SMIM23: variants seen among roughly 807,000 people sequenced by gnomAD.
SMIM23 encodes the protein small integral membrane protein 23, also known as CTB-78H18.1.
Under a neutral mutation model 12.8 loss-of-function variants are expected in SMIM23, and 10 were observed. That is an observed-to-expected ratio of 0.78 (90% CI 0.48 to 1.32). The LOEUF is 1.32. Among genes scored for constraint, SMIM23 ranks in the 40% most tolerant of loss-of-function variants. The pLI is 0.00. For synonymous variants in SMIM23, 78 were observed against 80.1 expected (o/e 0.97, Z 0.14); for missense variants, 184 against 198.2 (o/e 0.93, Z 0.43).
Position 171,790,923 on chromosome 5 carries a change from G to A in SMIM23, c.354G>A (p.Ala118=), listed in dbSNP as rs541974796. The change falls in exon 4 of 4, where the codon GCG becomes GCA. Residue 118 remains alanine, a synonymous_variant. Coordinates refer to ENST00000523047, the MANE Select transcript of SMIM23 (RefSeq NM_001289970.2). ...AGGTGCAGCAGCTGGAGCAGCTAGC[G>A]TGGGACCTGGAACTGTGGCTGGATG... is the stretch of plus-strand genomic sequence containing the variant. ...EEEVQQLEQL[A]WDLELWLDAL... is the part of the protein sequence containing the mutation. The A allele has an allele frequency of 7.0e-5, 108 of 1,536,178 alleles. 1 individual carries two copies. The South Asian group carries it at 1.0e-3, about 15-fold the overall frequency.
At chr5:171,784,767 C>G (rs894219481), upstream of SMIM23, among the ~76,000 whole-genome samples, 1 of 152,142 alleles carries the variant, frequency 6.6e-6, no homozygotes, top group African/African-American at 2.4e-5. Context: ...GAGTCAAAAA[C>G]TGGAGGCAGC....
upstream of SMIM23, among the ~76,000 whole-genome samples, chr5:171,783,671 A>G (rs1755763125): frequency 6.6e-6 from 1 of 152,268 alleles, no homozygotes; most frequent in Non-Finnish European, 1.5e-5. Context: ...ACTTGCCATG[A>G]AAGAGCACAA....
Position 171,790,553 on chromosome 5 carries a change from A to G in SMIM23, c.225+4A>G. 1 of 1,536,668 alleles carries G rather than the reference A, an allele frequency of 6.5e-7. No individual in the cohort carries two copies. The highest frequency in any genetic ancestry group is 8.7e-7 in the Non-Finnish European group (1 of 1,146,958). ...CCAGAATCTTGCAGTTCCCCAGGTAACATGTCCAGCAAGGTACTGAGGTGA... is the reference window on the plus strand; with the variant it reads ...CCAGAATCTTGCAGTTCCCCAGGTAGCATGTCCAGCAAGGTACTGAGGTGA... On this transcript the variant is annotated splice_donor_region_variant and intron_variant, in intron 3 of 3. Transcript: ENST00000523047.
chr5:171,790,607 G>A lies in SMIM23; in HGVS notation c.225+58G>A, dbSNP rs1028810938. 7.6e-5 allele frequency: 113 copies of A among 1,485,718 alleles called. 2 individuals are homozygous for A. The highest frequency in any genetic ancestry group is 7.6e-4 in the South Asian group (63 of 82,944). 92.0% of individuals were successfully genotyped at this position (1,485,718 alleles called of 1,614,324 possible). ...AATCTGGGAAGGCTTTCCAGAGGAG[G>A]TGTCATTGGCAACATGGGTCATGAA... On this transcript the variant is annotated intron_variant, in intron 3 of 3. Coordinates refer to ENST00000523047, the MANE Select transcript of SMIM23 (RefSeq NM_001289970.2).
upstream of SMIM23, among the ~76,000 whole-genome samples, chr5:171,784,191 G>C (rs1364006988): frequency 6.6e-6 from 1 of 152,192 alleles, no homozygotes; most frequent in Non-Finnish European, 1.5e-5. Context: ...CTAAACACCT[G>C]TCAAAATGGT....
At chr5:171,779,358 C>T (rs1007985239), upstream of SMIM23, among the ~76,000 whole-genome samples, 1 of 152,200 alleles carries the variant, frequency 6.6e-6, no homozygotes, top group African/African-American at 2.4e-5. Flanking sequence ...CTACTTCTCT[C>T]ATTTTATTAA....
At chr5:171,775,041 C>A in the SMIM23 span, among the ~76,000 whole-genome samples, 1 of 152,282 alleles carries the variant, frequency 6.6e-6, no homozygotes, top group African/African-American at 2.4e-5. Flanking sequence ...ATGCCATACA[C>A]GGATGTTTTG....
At chr5:171,778,467 ACAC>A (rs1755675679), upstream of SMIM23, among the ~76,000 whole-genome samples, 1 of 148,152 alleles carries the variant, frequency 6.7e-6, no homozygotes, top group Admixed American at 6.7e-5. Flanking sequence ...ACACACACAC[ACAC>A]ACACACACAC....
the SMIM23 span, among the ~76,000 whole-genome samples, chr5:171,774,970 C>T: frequency 2.0e-5 from 3 of 152,186 alleles, no homozygotes; most frequent in Non-Finnish European, 2.9e-5. Flanking sequence ...GAAAGGGATG[C>T]CGGGCCTCTG....
chr5:171,777,489 A>G (rs1755661473), upstream of SMIM23, among the ~76,000 whole-genome samples: 1 of 152,214 alleles, frequency 6.6e-6, no homozygotes, highest in African/African-American at 2.4e-5. Flanking sequence ...AGGCAAGCCT[A>G]TGCCAAGGCT....
intron 2 of SMIM23, 89 bp downstream of exon 2, chr5:171,790,370 C>T (rs1394590766): frequency 2.0e-6 from 3 of 1,500,476 alleles, no homozygotes; most frequent in Non-Finnish European, 2.7e-6. Flanking sequence ...TTAAGGGGAC[C>T]TCCATAACCC....
chr5:171,774,616 A>G, the SMIM23 span: 13 of 175,594 alleles, frequency 7.4e-5, no homozygotes, highest in Non-Finnish European at 1.4e-4. Flanking sequence ...ACCCCACCCC[A>G]CCCTCCAATT....
chr5:171,776,003 C>T, the SMIM23 span, among the ~76,000 whole-genome samples: 1 of 152,210 alleles, frequency 6.6e-6, no homozygotes, highest in African/African-American at 2.4e-5. Context: ...TCCCAAGTAG[C>T]TGGGATTATA....
At chr5:171,777,069 C>T in the SMIM23 span, among the ~76,000 whole-genome samples, 33 of 105,364 alleles carry the variant, frequency 3.1e-4, no homozygotes, top group African/African-American at 3.6e-4. Flanking sequence ...TTTTTTTTTT[C>T]CTTCTTGGCC....
upstream of SMIM23, chr5:171,782,875 C>A (rs763268641): frequency 1.3e-5 from 2 of 152,134 alleles, no homozygotes; most frequent in Non-Finnish European, 2.9e-5. Context: ...CCTAGAGAAG[C>A]TGTAGTAAAG....
chr5:171,774,194 C>T, the SMIM23 span: 54 of 357,282 alleles, frequency 1.5e-4, no homozygotes, highest in Admixed American at 8.3e-4. Flanking sequence ...CTGGTTGTTG[C>T]GATTGCTGTT....
upstream of SMIM23, among the ~76,000 whole-genome samples, chr5:171,779,009 C>T (rs879444846): frequency 1.1e-4 from 17 of 152,276 alleles, no homozygotes; most frequent in Admixed American, 4.6e-4. Flanking sequence ...TTCTGTGGCT[C>T]GCCATAGCAG....
chr5:171,786,217 G>C (rs1057070923), intron 1 of SMIM23, among the ~76,000 whole-genome samples: 1 of 152,172 alleles, frequency 6.6e-6, no homozygotes, highest in Non-Finnish European at 1.5e-5. Context: ...TGGGCTTTTT[G>C]TTTAGTTCCC....
At position 171,788,579 on chromosome 5, in the gene SMIM23, C is replaced by A. The variant is rs145353034; in HGVS notation, c.106-1651C>A. ...AAGAATATTAAGGTAATATTAGGAA[C>A]AATTTGATGCCAATACATTTAACTT... is the stretch of plus-strand genomic sequence containing the variant. On this transcript the variant is annotated intron_variant, in intron 1 of 3. Coordinates refer to ENST00000523047, the MANE Select transcript of SMIM23 (RefSeq NM_001289970.2). Among the ~76,000 whole-genome samples, 423 of 152,196 alleles carry A rather than the reference C, an allele frequency of 2.8e-3. 1 individual carries two copies. The highest frequency in any genetic ancestry group is 0.014 in the Middle Eastern group (4 of 294).
Sources: gnomAD v4.1 joint callset for allele counts (sites outside exome capture counted in the v4.1 genomes callset) on GRCh38, gnomAD v4.1.1 for gene constraint, MANE v1.5 for transcripts, NCBI Gene and HGNC (gene_info 2026-07-23, HGNC 2026-07-21) for gene names.